XYLB: variants seen among roughly 807,000 people sequenced by gnomAD.
The protein encoded by XYLB is xylulose kinase.
A neutral mutation model predicts 78.7 loss-of-function variants in XYLB; 62 were observed. The observed-to-expected ratio is 0.79, with a 90% CI of 0.64 to 0.97. XYLB has a LOEUF of 0.97. Among genes scored for constraint, XYLB ranks in the 50% least tolerant of loss-of-function variants. The pLI, the probability that XYLB is intolerant of heterozygous loss-of-function variation, is 0.00. For missense variants in XYLB, 687 were observed against 676.8 expected (o/e 1.02, Z -0.17); for synonymous variants, 245 against 247.4 (o/e 0.99, Z 0.09).
chr3:38,351,867 G>C (rs892935129), intron 2 of XYLB, among the ~76,000 whole-genome samples: 1 of 152,160 alleles, frequency 6.6e-6, no homozygotes, highest in Non-Finnish European at 1.5e-5. Flanking sequence ...TATTATTGCC[G>C]AGTAGTATTT....
Position 38,366,865 on chromosome 3 carries a change from C to T in XYLB, c.565C>T (p.His189Tyr). The T allele has an allele frequency of 1.2e-6, 2 of 1,610,606 alleles. No homozygotes were observed. Among genetic ancestry groups the T allele is most frequent in the Non-Finnish European group, 1.7e-6 (2 of 1,176,988 alleles). ...IYQQNPEAYS[H>Y]TERISLVSSF... Reference sequence around the variant, plus strand: ...CCAGCAGAACCCCGAGGCCTACTCACATACGGAGGTTGGTTAAATGTTCCT... The same window carrying T: ...CCAGCAGAACCCCGAGGCCTACTCATATACGGAGGTTGGTTAAATGTTCCT... The change falls in exon 7 of 19, where the codon CAT becomes TAT. Residue 189 changes from histidine to tyrosine, a missense_variant. Physicochemically the swap from His to Tyr is moderately conservative, Grantham distance 83 (BLOSUM62 2). Coordinates refer to ENST00000207870, the MANE Select transcript of XYLB (RefSeq NM_005108.4).
rs577048689 is a variant in XYLB, at chr3:38,410,500, A to C, written c.1534-2436A>C. Among the ~76,000 whole-genome samples the C allele has an allele frequency of 3.9e-3, 594 of 152,234 alleles. 7 individuals are homozygous for C. Among genetic ancestry groups the C allele is most frequent in the Admixed American group, 0.026 (404 of 15,292 alleles). ...CAAGGACTTCATGTCTAAAACACCA[A>C]AAGCAATGGCAACAGAAGCCAAAAT... On this transcript the variant is annotated intron_variant, in intron 18 of 18. Coordinates refer to ENST00000207870, the MANE Select transcript of XYLB (RefSeq NM_005108.4).
intron 18 of XYLB, among the ~76,000 whole-genome samples, chr3:38,404,603 G>A (rs922269531): frequency 2.6e-5 from 4 of 152,138 alleles, no homozygotes; most frequent in Non-Finnish European, 5.9e-5. Context: ...GATCACATGA[G>A]GTCAGGAGTT....
At chr3:38,409,992 C>G (rs1049301225) in intron 18 of XYLB, among the ~76,000 whole-genome samples, 2 of 152,176 alleles carry the variant, frequency 1.3e-5, no homozygotes, top group East Asian at 3.9e-4. Context: ...CCATCCCCAT[C>G]AAGCTACCAA....
At chr3:38,385,862 G>C (rs1559601160) in intron 15 of XYLB, among the ~76,000 whole-genome samples, 1 of 152,148 alleles carries the variant, frequency 6.6e-6, no homozygotes, top group African/African-American at 2.4e-5. Context: ...GCTGTTCCCA[G>C]CCCCTTTCAG....
At position 38,412,944 on chromosome 3, in the gene XYLB, G is replaced by T; in HGVS notation, c.1542G>T (p.Glu514Asp). 1 of 1,602,186 alleles carries T rather than the reference G, an allele frequency of 6.2e-7. No individual in the cohort carries two copies. The highest frequency in any genetic ancestry group is 1.7e-5 in the Admixed American group (1 of 58,240). Reference protein sequence around the residue: ...TPSPGASQVYEALLPQYAKLE... With the variant: ...TPSPGASQVYDALLPQYAKLE... Reference sequence around the variant, plus strand: ...TTTTTCTGCCCTTCTAGGTCTACGAGGCCCTTCTCCCCCAGTATGCCAAAC... The same window carrying T: ...TTTTTCTGCCCTTCTAGGTCTACGATGCCCTTCTCCCCCAGTATGCCAAAC... Residue 514 changes from glutamate to aspartate, a missense_variant, in exon 19 of 19, where the codon GAG becomes GAT. Coordinates refer to ENST00000207870, the MANE Select transcript of XYLB (RefSeq NM_005108.4).
At chr3:38,351,312 CA>C (rs764774437) in intron 2 of XYLB, among the ~76,000 whole-genome samples, 11 of 150,848 alleles carry the variant, frequency 7.3e-5, no homozygotes, top group Non-Finnish European at 7.4e-5. Context: ...TCTAGTCTTT[CA>C]AAATTTTAAA....
At chr3:38,450,747 C>T in the XYLB span, among the ~76,000 whole-genome samples, 1 of 152,160 alleles carries the variant, frequency 6.6e-6, no homozygotes, top group African/African-American at 2.4e-5. Context: ...GGCAGGGAAT[C>T]ACTTTGGTTA....
At chr3:38,383,043 G>C (rs893707368) in intron 15 of XYLB, among the ~76,000 whole-genome samples, 11 of 152,194 alleles carry the variant, frequency 7.2e-5, no homozygotes, top group African/African-American at 2.2e-4. Context: ...TAGTGTCTAA[G>C]GGCAATAAAG....
chr3:38,359,115 TAAGCC>T (rs1705833245), intron 2 of XYLB, among the ~76,000 whole-genome samples: 2 of 152,264 alleles, frequency 1.3e-5, no homozygotes, highest in African/African-American at 4.8e-5. Flanking sequence ...TTATTGACAG[TAAGCC>T]TGTGATAAAC....
At chr3:38,355,590 C>T (rs1705603615) in intron 2 of XYLB, among the ~76,000 whole-genome samples, 1 of 152,218 alleles carries the variant, frequency 6.6e-6, no homozygotes, top group Admixed American at 6.5e-5. Context: ...TTCCTAGGCA[C>T]TCTCCTGCCT....
rs777867189 is a variant in XYLB at position 38,374,501 on chromosome 3, C to T, written c.887C>T (p.Ala296Val). ...AGMRLEEGDI[A>V]VSLGTSDTLF... ...ATGAGACTGGAGGAAGGTGACATTG[C>T]GGTAAGGCGACTTCCCACACCCATA... Residue 296 changes from alanine to valine, a missense_variant and splice_region_variant, in exon 11 of 19, where the codon GCG becomes GTG. Ala to Val is a moderately conservative substitution (Grantham distance 64). Transcript: ENST00000207870. 4.3e-6 allele frequency: 7 copies of T among 1,613,558 alleles called. No individual in the cohort carries two copies. The highest frequency in any genetic ancestry group is 1.6e-4 in the Middle Eastern group (1 of 6,062).
the XYLB span, among the ~76,000 whole-genome samples, chr3:38,437,744 G>C: frequency 1.3e-5 from 2 of 151,862 alleles, no homozygotes; most frequent in Non-Finnish European, 2.9e-5. Context: ...AGGAGTCCAA[G>C]ACCAGCCTGG....
downstream of XYLB, among the ~76,000 whole-genome samples, chr3:38,415,462 G>A (rs187727506): frequency 2.6e-5 from 4 of 152,258 alleles, no homozygotes; most frequent in East Asian, 3.9e-4. Context: ...TGGAAGAACC[G>A]TATTAGTCCC....
intron 14 of XYLB, 62 bp from the exon 15 acceptor site, chr3:38,379,184 C>T (rs1707018928): frequency 3.3e-6 from 5 of 1,516,490 alleles, no homozygotes; most frequent in African/African-American, 1.4e-5. Context: ...CAGACACACA[C>T]ATACACACAC....
chr3:38,412,199 C>T (rs990871904), intron 18 of XYLB, among the ~76,000 whole-genome samples: 35 of 152,242 alleles, frequency 2.3e-4, no homozygotes, highest in African/African-American at 7.7e-4. Context: ...CCAGGTTGGT[C>T]AGGCTGGTCT....
chr3:38,358,003 T>C (rs1417941365), intron 2 of XYLB, among the ~76,000 whole-genome samples: 10 of 151,894 alleles, frequency 6.6e-5, no homozygotes. Flanking sequence ...TTTCACTTTC[T>C]TGATGATCCT....
At chr3:38,422,115 A>G (rs893135712), downstream of XYLB, among the ~76,000 whole-genome samples, 5 of 152,298 alleles carry the variant, frequency 3.3e-5, no homozygotes, top group South Asian at 8.3e-4. Flanking sequence ...TCCTTTTGTA[A>G]TGGGACTGTT....
the XYLB span, among the ~76,000 whole-genome samples, chr3:38,431,488 G>T: frequency 1.3e-5 from 2 of 152,166 alleles, no homozygotes; most frequent in African/African-American, 2.4e-5. Context: ...CGATCATGTC[G>T]CCTGCAAAGA....
Sources: gnomAD v4.1 joint callset for allele counts (sites outside exome capture counted in the v4.1 genomes callset) on GRCh38, gnomAD v4.1.1 for gene constraint, MANE v1.5 for transcripts, NCBI Gene and HGNC (gene_info 2026-07-23, HGNC 2026-07-21) for gene names.